The following SENP7 variants were observed in gnomAD, a reference collection of about 807,000 sequenced individuals.
The protein encoded by SENP7 is sentrin-specific protease 7.
In SENP7, 64 loss-of-function variants were observed where a neutral mutation model predicts 141.2. The ratio of observed to expected loss-of-function variants is 0.45; its 90% CI spans 0.37 to 0.56. The LOEUF is 0.56. SENP7 is among the 20% of genes least tolerant of loss of function. SENP7 has a pLI of 0.00. For synonymous variants in SENP7, 382 were observed against 426.4 expected (o/e 0.90, Z 1.28); for missense variants, 1,025 against 1,212.2 (o/e 0.85, Z 2.29).
Position 101,341,791 on chromosome 3 carries a change from T to C in SENP7, c.2107-12A>G. On this transcript the variant is annotated splice_polypyrimidine_tract_variant and intron_variant, in intron 14 of 23. Transcript: ENST00000394095. ...TCTGTGTTTGAGGGCTGACAGAAAG[T>C]GGCAAGAAAAAGGGTCTCAAACATC... 1.3e-6 allele frequency: 2 copies of C among 1,573,010 alleles called. No homozygotes were observed. The highest frequency in any genetic ancestry group is 2.3e-5 in the South Asian group (2 of 86,598).
rs375984843 is a variant in SENP7 at position 101,328,442 on chromosome 3, A to G, written c.2864+36T>C. On this transcript the variant is annotated intron_variant, in intron 22 of 23. Coordinates refer to ENST00000394095, the MANE Select transcript of SENP7 (RefSeq NM_020654.5). ...AACTTCAAAATTACTGAGGTTTTAG[A>G]TAACAGACTGGAATGGTAAAATTGT... 7.3e-6 allele frequency: 11 copies of G among 1,507,106 alleles called. No homozygotes were observed. The African/African-American group carries it at 1.5e-4, about 21-fold the overall frequency. The allele number at this position is 1,507,106 out of a possible 1,614,324, so 93.4% of individuals were successfully genotyped here. A position where few individuals can be genotyped will look rare whatever the true frequency, so the allele number is the denominator to read the frequency against.
chr3:101,419,805 G>A (rs2107666228), intron 4 of SENP7, among the ~76,000 whole-genome samples: 1 of 152,286 alleles, frequency 6.6e-6, no homozygotes, highest in African/African-American at 2.4e-5. Context: ...TATTGAACAT[G>A]TACTATATAC....
intron 6 of SENP7, among the ~76,000 whole-genome samples, chr3:101,393,153 GA>G (rs1434516216): frequency 6.6e-6 from 1 of 152,108 alleles, no homozygotes; most frequent in Non-Finnish European, 1.5e-5. Context: ...GCAGAAGAAT[GA>G]AACTATACCC....
At chr3:101,386,456 CCT>C (rs1276812104) in intron 6 of SENP7, among the ~76,000 whole-genome samples, 1 of 152,170 alleles carries the variant, frequency 6.6e-6, no homozygotes, top group African/African-American at 2.4e-5. Flanking sequence ...CCACACATCC[CCT>C]GAGACTCAAG....
chr3:101,384,520 GC>G (rs1346597924), intron 6 of SENP7, among the ~76,000 whole-genome samples: 1 of 152,224 alleles, frequency 6.6e-6, no homozygotes, highest in Admixed American at 6.5e-5. Context: ...GAAGCCACTT[GC>G]AGTACGACTG....
At chr3:101,488,047 G>A (rs2064803479) in intron 3 of SENP7, among the ~76,000 whole-genome samples, 1 of 152,072 alleles carries the variant, frequency 6.6e-6, no homozygotes, top group Admixed American at 6.6e-5. Context: ...GACTGCTTTG[G>A]GCAGTATGGT....
intron 13 of SENP7, among the ~76,000 whole-genome samples, chr3:101,347,062 G>A (rs1424574694): frequency 6.6e-6 from 1 of 151,798 alleles, no homozygotes; most frequent in Non-Finnish European, 1.5e-5. Flanking sequence ...AAAGAAGAAA[G>A]AAGGATAGAA....
chr3:101,380,202 T>C (rs1396604630), intron 6 of SENP7, among the ~76,000 whole-genome samples: 1 of 152,110 alleles, frequency 6.6e-6, no homozygotes, highest in Non-Finnish European at 1.5e-5. Context: ...GTTTCATAGA[T>C]ACAGAGTTTC....
chr3:101,430,272 T>C (rs1320567161), intron 4 of SENP7, among the ~76,000 whole-genome samples: 1 of 152,182 alleles, frequency 6.6e-6, no homozygotes, highest in East Asian at 1.9e-4. Context: ...GTACCAGCTC[T>C]TCTTTGTATT....
rs1175595824 is a variant in SENP7 at position 101,507,973 on chromosome 3, C to T, written c.40+5118G>A. On this transcript the variant is annotated intron_variant, in intron 1 of 23. Coordinates refer to ENST00000394095, the MANE Select transcript of SENP7 (RefSeq NM_020654.5). The stretch of plus-strand genomic sequence containing the variant: ...CTGATGCAGGAGAATCGCTTGAACC[C>T]AGGAGGCAGAGGTCGCAGTGAGCTG... 1.3e-4 allele frequency among the ~76,000 whole-genome samples: 19 copies of T among 145,124 alleles called. No individual in the cohort carries two copies. In the Admixed American group the frequency reaches 1.4e-3, roughly 10 times the overall value.
intron 6 of SENP7, among the ~76,000 whole-genome samples, chr3:101,389,993 G>A (rs548510159): frequency 6.7e-4 from 102 of 152,154 alleles, no homozygotes; most frequent in Non-Finnish European, 4.3e-4. Context: ...GCTGAGGCGG[G>A]TGGATCACCT....
chr3:101,396,772 G>C (rs2060979087), intron 6 of SENP7, among the ~76,000 whole-genome samples: 1 of 152,186 alleles, frequency 6.6e-6, no homozygotes, highest in Non-Finnish European at 1.5e-5. Flanking sequence ...GGAGCTCATG[G>C]TATAGCAGAG....
intron 4 of SENP7, among the ~76,000 whole-genome samples, chr3:101,418,442 C>A (rs1166905472): frequency 6.6e-6 from 1 of 151,890 alleles, no homozygotes; most frequent in Admixed American, 6.6e-5. Flanking sequence ...ATGTTTAGTT[C>A]TGGAATTCCA....
rs2059908293 is a variant in SENP7, at chr3:101,361,781, T to C, written c.1557A>G (p.Gln519=). The change falls in exon 11 of 24, where the codon CAA becomes CAG. Residue 519 remains glutamine, a synonymous_variant. Transcript: ENST00000394095. ...SIMPSNEMDL[Q]LDFIFTSVYI... is the part of the protein sequence containing the mutation. ...AAACAGAAGTAAATATAAAATCCAGTTGTAGATCCATCTCATTACTAGGCA... is the reference window on the plus strand; with the variant it reads ...AAACAGAAGTAAATATAAAATCCAGCTGTAGATCCATCTCATTACTAGGCA... The C allele has an allele frequency of 6.2e-7, 1 of 1,608,628 alleles. No individual in the cohort carries two copies.
At chr3:101,442,400 T>C (rs2062711926) in intron 4 of SENP7, among the ~76,000 whole-genome samples, 1 of 152,156 alleles carries the variant, frequency 6.6e-6, no homozygotes, top group Admixed American at 6.5e-5. Context: ...ACATGCAACC[T>C]AGGTCGCCTG....
chr3:101,403,276 C>A (rs2317750), intron 5 of SENP7, among the ~76,000 whole-genome samples: 60,387 of 152,032 alleles, frequency 0.4, 12,511 homozygotes, highest in Admixed American at 0.54. Flanking sequence ...ATGACTAAAA[C>A]AATGCACATC....
chr3:101,472,646 A>T (rs1269965371), intron 3 of SENP7, among the ~76,000 whole-genome samples: 11 of 152,250 alleles, frequency 7.2e-5, no homozygotes, highest in African/African-American at 2.2e-4. Flanking sequence ...AGCTTAAAGT[A>T]TAATAAAAAA....
chr3:101,358,680 G>C (rs1456790380), intron 11 of SENP7: 1 of 162,618 alleles, frequency 6.1e-6, no homozygotes, highest in Non-Finnish European at 1.3e-5. Context: ...TATCACCCAG[G>C]TTGGAGGGCA....
intron 4 of SENP7, among the ~76,000 whole-genome samples, chr3:101,424,505 C>T (rs2061892642): frequency 6.6e-6 from 1 of 152,092 alleles, no homozygotes; most frequent in Admixed American, 6.5e-5. Context: ...AGCCTTGCCC[C>T]TGGAAGTACC....
Sources: allele counts gnomAD v4.1 joint callset (sites outside exome capture counted in the v4.1 genomes callset), GRCh38; gene constraint gnomAD v4.1.1; transcripts MANE v1.5; gene names NCBI Gene and HGNC (gene_info 2026-07-23, HGNC 2026-07-21).